Variants in CERS4 observed in about 807,000 individuals in gnomAD.
CERS4 encodes ceramide synthase 4, also known as LAG1 homolog, ceramide synthase 4.
Under a neutral mutation model 51.8 loss-of-function variants are expected in CERS4, and 65 were observed. The observed-to-expected ratio is 1.26, with a 90% CI of 1.03 to 1.54. The LOEUF (loss-of-function observed/expected upper bound fraction) is 1.54. Ranked by LOEUF, CERS4 falls within the 40% of genes most tolerant of loss-of-function variation. The probability of loss-of-function intolerance (pLI) is 0.00; values close to 1 mark genes in which losing one functional copy is unlikely to be tolerated. For synonymous variants in CERS4, 228 were observed against 208.4 expected, an observed-to-expected ratio of 1.09 and a Z score of -0.81; for missense variants, 563 against 500.4, an observed-to-expected ratio of 1.13 and a Z score of -1.19.
chr19:8,250,270 C>T (rs115789107), intron 2 of CERS4, among the ~76,000 whole-genome samples: 1,938 of 152,234 alleles, frequency 0.013, 47 homozygotes, highest in African/African-American at 0.045. Context: ...CCATGGTGCC[C>T]GGCCACGACT....
intron 2 of CERS4, among the ~76,000 whole-genome samples, chr19:8,240,758 A>G (rs1124626): frequency 0.66 from 99,741 of 152,002 alleles, 33,160 homozygotes; most frequent in Non-Finnish European, 0.71. Context: ...GAGCAGTGCC[A>G]GGGTCCTTGG....
In CERS4 at chr19:8,256,617, G is replaced by C; in HGVS notation, c.520-1G>C. On this transcript the variant is annotated splice_acceptor_variant, in intron 7 of 11. Coordinates refer to ENST00000251363, the MANE Select transcript of CERS4 (RefSeq NM_024552.3). LOFTEE classifies it high-confidence loss of function. ...GCTAACCTTGTCCTGTCCTGCTGCAGACTCTGAAGCCATCCCTGTACTGGT... is the reference window on the plus strand; with the variant it reads ...GCTAACCTTGTCCTGTCCTGCTGCACACTCTGAAGCCATCCCTGTACTGGT... 6.2e-7 allele frequency: 1 copy of C among 1,611,094 alleles called. No homozygotes were observed. The highest frequency in any genetic ancestry group is 8.5e-7 in the Non-Finnish European group (1 of 1,178,838).
intron 7 of CERS4, 90 bp from the exon 8 acceptor site, chr19:8,256,528 T>C (rs1390564481): frequency 7.8e-7 from 1 of 1,274,484 alleles, no homozygotes; most frequent in African/African-American, 1.5e-5. Flanking sequence ...AGTATCCTGG[T>C]TTTGAGCAAA....
chr19:8,245,114 A>ACAACAAAACAAAACAAACAAAAAC (rs1968704244), intron 2 of CERS4, among the ~76,000 whole-genome samples: 1 of 45,162 alleles, frequency 2.2e-5, no homozygotes, highest in Non-Finnish European at 4.4e-5. Context: ...TCCATCTCAA[A>ACAACAAAACAAAACAAACAAAAAC]AAAAAAAAAA....
intron 2 of CERS4, among the ~76,000 whole-genome samples, chr19:8,214,993 G>GA (rs1967238243): frequency 6.6e-5 from 5 of 75,504 alleles, no homozygotes; most frequent in East Asian, 4.7e-4. Context: ...GGAGGGGGAG[G>GA]AGAGGGAGGA....
At chr19:8,254,180 G>T (rs542362679) in intron 3 of CERS4, among the ~76,000 whole-genome samples, 69 of 151,752 alleles carry the variant, frequency 4.5e-4, no homozygotes, top group African/African-American at 1.6e-3. Flanking sequence ...AAAATTAGCC[G>T]GGCGTAGTGG....
chr19:8,247,329 A>G (rs943202076), intron 2 of CERS4, among the ~76,000 whole-genome samples: 12 of 149,050 alleles, frequency 8.1e-5, no homozygotes, highest in Admixed American at 4.1e-4. Context: ...CATCCCAGGC[A>G]TGGTCCTGCC....
intron 10 of CERS4, among the ~76,000 whole-genome samples, chr19:8,258,384 GC>G (rs1450268456): frequency 6.6e-6 from 1 of 152,176 alleles, no homozygotes; most frequent in African/African-American, 2.4e-5. Context: ...GAACTGCACA[GC>G]ATGCGAAGGA....
chr19:8,247,732 CTTTT>C (rs370855290), intron 2 of CERS4, among the ~76,000 whole-genome samples: 36 of 131,158 alleles, frequency 2.7e-4, no homozygotes, highest in Middle Eastern at 3.7e-3. Context: ...ACCTCCGCAT[CTTTT>C]TTTTTTTTTT....
chr19:8,234,365 A>G (rs946722708), intron 2 of CERS4, among the ~76,000 whole-genome samples: 1 of 152,068 alleles, frequency 6.6e-6, no homozygotes, highest in Non-Finnish European at 1.5e-5. Flanking sequence ...TAGTGCAGTC[A>G]TAGCTCACTG....
intron 4 of CERS4, among the ~76,000 whole-genome samples, chr19:8,254,992 C>T (rs889633019): frequency 1.3e-5 from 2 of 152,134 alleles, no homozygotes; most frequent in African/African-American, 4.8e-5. Context: ...TAGTTGCTTG[C>T]TCTCCTATCC....
intron 2 of CERS4, 72 bp from the exon 3 acceptor site, chr19:8,251,004 G>A (rs928960263): frequency 7.3e-6 from 11 of 1,498,528 alleles, no homozygotes; most frequent in Non-Finnish European, 8.9e-6. Context: ...TGAGGCTCCA[G>A]CCTCTCAGGC....
At chr19:8,242,601 A>C (rs999769101) in intron 2 of CERS4, among the ~76,000 whole-genome samples, 1 of 152,152 alleles carries the variant, frequency 6.6e-6, no homozygotes, top group Non-Finnish European at 1.5e-5. Context: ...GTGACAACTG[A>C]GCTGGGTTTT....
chr19:8,213,446 G>A (rs1266027387), intron 2 of CERS4, among the ~76,000 whole-genome samples: 6 of 152,060 alleles, frequency 3.9e-5, no homozygotes, highest in Non-Finnish European at 7.4e-5. Context: ...CCACAGGCAT[G>A]CACCACCAGG....
intron 2 of CERS4, among the ~76,000 whole-genome samples, chr19:8,213,685 G>T (rs1361392486): frequency 1.3e-5 from 2 of 152,120 alleles, no homozygotes; most frequent in Non-Finnish European, 2.9e-5. Flanking sequence ...GCATAGAGAG[G>T]CCCGGCGCGG....
intron 2 of CERS4, among the ~76,000 whole-genome samples, chr19:8,225,917 C>T (rs1011975978): frequency 6.6e-6 from 1 of 151,726 alleles, no homozygotes; most frequent in Non-Finnish European, 1.5e-5. Flanking sequence ...GAATGGTGAC[C>T]GGGCAAGGTG....
chr19:8,223,136 C>A (rs1459202357), intron 2 of CERS4, among the ~76,000 whole-genome samples: 1 of 151,176 alleles, frequency 6.6e-6, no homozygotes, highest in East Asian at 2.0e-4. Flanking sequence ...GAGTTTGAGA[C>A]CAGCCTGGGC....
chr19:8,225,695 A>G (rs1262094292), intron 2 of CERS4, among the ~76,000 whole-genome samples: 1 of 151,220 alleles, frequency 6.6e-6, no homozygotes, highest in Non-Finnish European at 1.5e-5. Flanking sequence ...AAGTGCTGGG[A>G]TTATAGGCGT....
intron 2 of CERS4, among the ~76,000 whole-genome samples, chr19:8,235,053 G>GA (rs113718835): frequency 0.016 from 2,106 of 135,120 alleles, 57 homozygotes; most frequent in African/African-American, 0.056. Flanking sequence ...TTGTTGCCCA[G>GA]ACTGGAGTGC....
Sources: gnomAD v4.1 joint callset for allele counts (sites outside exome capture counted in the v4.1 genomes callset) on GRCh38, gnomAD v4.1.1 for gene constraint, MANE v1.5 for transcripts, NCBI Gene and HGNC (gene_info 2026-07-23, HGNC 2026-07-21) for gene names.